TCF4: variants seen among roughly 807,000 people sequenced by gnomAD.
TCF4 encodes the protein transcription factor 4, also known as SL3-3 enhancer factor 2.
In TCF4, 3 loss-of-function variants were observed where a neutral mutation model predicts 82.1. The observed-to-expected ratio is 0.04, with a 90% CI of 0.02 to 0.09. TCF4 has a LOEUF of 0.09. TCF4 is among the 10% of genes least tolerant of loss of function. The pLI is 1.00. For missense variants in TCF4, 518 were observed against 852.7 expected (o/e 0.61, Z 4.89); for synonymous variants, 276 against 309.6 (o/e 0.89, Z 1.14).
intron 2 of TCF4, among the ~76,000 whole-genome samples, chr18:55,603,706 A>G (rs776371678): frequency 2.0e-5 from 3 of 152,168 alleles, no homozygotes; most frequent in Non-Finnish European, 4.4e-5. Context: ...ACCCATTTAG[A>G]AGAGAGCTGC....
intron 8 of TCF4, chr18:55,322,092 CTTTTTTTTTTTCCTTTTT>C (rs1280323756): frequency 3.2e-6 from 3 of 945,138 alleles, no homozygotes; most frequent in East Asian, 6.1e-5. Flanking sequence ...TTTTTCTTTT[CTTTTTTTTTTTCCTTTTT>C]TTTTTTTTTT....
intron 3 of TCF4, among the ~76,000 whole-genome samples, chr18:55,488,616 C>T (rs964179560): frequency 6.6e-6 from 1 of 152,102 alleles, no homozygotes; most frequent in African/African-American, 2.4e-5. Context: ...TGCTACTAAC[C>T]TAGGGTTTCT....
intron 8 of TCF4, chr18:55,321,615 T>A: frequency 6.5e-7 from 1 of 1,535,950 alleles, no homozygotes; most frequent in Non-Finnish European, 8.7e-7. Context: ...AGGATGCTCA[T>A]CCCTGCGACA....
chr18:55,463,399 A>C (rs62091167), intron 4 of TCF4, among the ~76,000 whole-genome samples: 23,692 of 152,188 alleles, frequency 0.16, 2,392 homozygotes, highest in Non-Finnish European at 0.22. Flanking sequence ...CCACCCACCC[A>C]ACTCTTATTC....
intron 3 of TCF4, among the ~76,000 whole-genome samples, chr18:55,483,205 A>G (rs528094696): frequency 3.3e-5 from 5 of 152,196 alleles, no homozygotes; most frequent in Admixed American, 6.5e-5. Context: ...CTGAATTCAT[A>G]AAGTTACGAA....
At position 55,464,345 on chromosome 18, in the gene TCF4, A is replaced by G. The variant is rs2095955811; in HGVS notation, c.146-208T>C. Among the ~76,000 whole-genome samples, 4 of 152,246 alleles carry G rather than the reference A, an allele frequency of 2.6e-5. No homozygotes were observed. The South Asian group carries it at 8.3e-4, about 31-fold the overall frequency. ...GTAGAAATGAACTGGACCCTCAGGA[A>G]CCAGAGGTATAAACATAAAAATTAC... is the stretch of plus-strand genomic sequence containing the variant. On this transcript the variant is annotated intron_variant, in intron 3 of 19. Coordinates refer to ENST00000354452, the MANE Select transcript of TCF4 (RefSeq NM_001083962.2).
chr18:55,587,676 G>A (rs1257040214), intron 1 of TCF4, among the ~76,000 whole-genome samples: 2 of 151,860 alleles, frequency 1.3e-5, no homozygotes, highest in African/African-American at 2.4e-5. Context: ...GAGCGTCTCT[G>A]GAGTGAAAAC....
chr18:55,304,799 T>C (rs1160440676), intron 8 of TCF4, among the ~76,000 whole-genome samples: 1 of 152,134 alleles, frequency 6.6e-6, no homozygotes, highest in East Asian at 1.9e-4. Context: ...GAAGGATCAG[T>C]TGAGAAAATG....
intron 3 of TCF4, among the ~76,000 whole-genome samples, chr18:55,507,285 AG>A (rs2096772701): frequency 6.6e-6 from 1 of 152,224 alleles, no homozygotes; most frequent in Admixed American, 6.5e-5. Context: ...AAGTCAAAAA[AG>A]GGTGACTAGA....
In TCF4 at chr18:55,269,969, G is replaced by T. The variant is rs553688184; in HGVS notation, c.790-6C>A. The T allele has an allele frequency of 2.5e-6, 4 of 1,613,064 alleles. No homozygotes were observed. The highest frequency in any genetic ancestry group is 3.3e-5 in the Admixed American group (2 of 59,962). ...GAGGAGTGTGATGGATAGCTCTATA[G>T]CAAGAAGCAGAAAAAGGTGGCCATA... On this transcript the variant is annotated splice_polypyrimidine_tract_variant and splice_region_variant and intron_variant, in intron 10 of 19. Coordinates refer to ENST00000354452, the MANE Select transcript of TCF4 (RefSeq NM_001083962.2).
At chr18:55,323,633 CAGTT>C (rs1230761591) in intron 8 of TCF4, among the ~76,000 whole-genome samples, 1 of 152,188 alleles carries the variant, frequency 6.6e-6, no homozygotes, top group East Asian at 1.9e-4. Flanking sequence ...CTCATTAGAA[CAGTT>C]AGTTGTCAAT....
intron 13 of TCF4, 145 bp downstream of exon 13, chr18:55,259,804 C>A: frequency 1.4e-6 from 1 of 711,498 alleles, no homozygotes; most frequent in East Asian, 2.6e-5. Context: ...TTGTCTCTCC[C>A]ACCCTTTGTA....
intron 15 of TCF4, among the ~76,000 whole-genome samples, chr18:55,238,462 G>A (rs2050210256): frequency 6.6e-6 from 1 of 152,204 alleles, no homozygotes; most frequent in Non-Finnish European, 1.5e-5. Context: ...GGGATAGAAT[G>A]AGAAATAACT....
chr18:55,421,734 A>G (rs1162683479), intron 5 of TCF4, among the ~76,000 whole-genome samples: 1 of 152,200 alleles, frequency 6.6e-6, no homozygotes, highest in Non-Finnish European at 1.5e-5. Context: ...CAAATAGAAA[A>G]TGAAGTCAGA....
At chr18:55,589,020 C>T (rs115223780), upstream of TCF4, among the ~76,000 whole-genome samples, 286 of 152,026 alleles carry the variant, frequency 1.9e-3, no homozygotes, top group African/African-American at 6.7e-3. Context: ...AAAATTTAAG[C>T]TTCATAATTC....
intron 3 of TCF4, among the ~76,000 whole-genome samples, chr18:55,501,794 C>T (rs558890591): frequency 1.3e-5 from 2 of 152,234 alleles, no homozygotes; most frequent in South Asian, 4.2e-4. Flanking sequence ...CACCGCATCC[C>T]CATATCATGA....
At chr18:55,240,592 A>AAG (rs2050904170) in intron 15 of TCF4, among the ~76,000 whole-genome samples, 1 of 152,212 alleles carries the variant, frequency 6.6e-6, no homozygotes. Flanking sequence ...GGGAATTAGG[A>AAG]AGTTCATGGA....
upstream of TCF4, chr18:55,589,975 G>C: frequency 6.6e-6 from 2 of 301,788 alleles, no homozygotes; most frequent in South Asian, 1.3e-4. Context: ...GCTGTTCTCG[G>C]GTAGGCGTCG....
chr18:55,403,827 T>A, intron 5 of TCF4: 1 of 1,490,268 alleles, frequency 6.7e-7, no homozygotes, highest in Non-Finnish European at 8.9e-7. Flanking sequence ...TTGCACAAAA[T>A]TTAAACAATT....
Sources: allele counts gnomAD v4.1 joint callset (sites outside exome capture counted in the v4.1 genomes callset), GRCh38; gene constraint gnomAD v4.1.1; transcripts MANE v1.5; gene names NCBI Gene and HGNC (gene_info 2026-07-23, HGNC 2026-07-21).